DACH2: variants seen among roughly 807,000 people sequenced by gnomAD.
DACH2 encodes dachshund family transcription factor 2.
In DACH2, 17 loss-of-function variants were observed where a neutral mutation model predicts 35.8. The observed-to-expected ratio is 0.48, with a 90% confidence interval of 0.33 to 0.71. DACH2 has a LOEUF of 0.71. Ranked by LOEUF, DACH2 falls within the 30% of genes least tolerant of loss-of-function variation. The pLI is 0.02. For missense variants in DACH2, 469 were observed against 472.7 expected, an observed-to-expected ratio of 0.99 and a Z score of 0.07; for synonymous variants, 195 against 177.3, an observed-to-expected ratio of 1.10 and a Z score of -0.79.
intron 6 of DACH2, among the ~76,000 whole-genome samples, chrX:86,721,054 C>T (rs12689955): frequency 0.13 from 14,943 of 111,880 alleles, 791 homozygotes; most frequent in East Asian, 0.32. Flanking sequence ...GCACCAAGTC[C>T]CTAGGCTGCA....
At position 86,443,594 on chromosome X, in the gene DACH2, C is replaced by A. The variant is rs144477520; in HGVS notation, c.527+66732C>A. Among the ~76,000 whole-genome samples the A allele has an allele frequency of 1.4e-4, 15 of 108,488 alleles. 1 individual carries two copies. In the East Asian group the frequency reaches 3.8e-3, roughly 28 times the overall value. 94.2% of individuals were successfully genotyped at this position (108,488 alleles called of 115,157 possible). On this transcript the variant is annotated intron_variant, in intron 2 of 11. Coordinates refer to ENST00000373125, the MANE Select transcript of DACH2 (RefSeq NM_053281.3). ...ATGAAAGTGGGGATCCTTTCCAAGT[C>A]TTATAGGGAAAGCCTTCAACTTTTT...
intron 3 of DACH2, among the ~76,000 whole-genome samples, chrX:86,546,716 A>G (rs1486072421): frequency 5.6e-5 from 6 of 106,940 alleles, no homozygotes. Context: ...GGGTTTCACC[A>G]TGTTGGCCAG....
At chrX:86,588,280 T>C (rs2039601092) in intron 3 of DACH2, among the ~76,000 whole-genome samples, 1 of 111,255 alleles carries the variant, frequency 9.0e-6, no homozygotes, top group East Asian at 2.8e-4. Context: ...CCTTATAGTA[T>C]AGATTGAATC....
chrX:86,326,195 G>A (rs1278178490), intron 1 of DACH2, among the ~76,000 whole-genome samples: 5 of 110,529 alleles, frequency 4.5e-5, no homozygotes, highest in Non-Finnish European at 9.4e-5. Context: ...ATCTGTATCC[G>A]GCTGGGTGCG....
At chrX:86,517,061 A>G (rs1054170418) in intron 3 of DACH2, among the ~76,000 whole-genome samples, 5 of 111,530 alleles carry the variant, frequency 4.5e-5, no homozygotes, top group Non-Finnish European at 9.4e-5. Context: ...TATTTTCCTC[A>G]GGGTATATAT....
intron 7 of DACH2, among the ~76,000 whole-genome samples, chrX:86,792,989 C>G (rs749276686): frequency 3.6e-5 from 4 of 111,381 alleles, no homozygotes; most frequent in African/African-American, 6.5e-5. Context: ...ACATTCCTAC[C>G]AACTTTATAT....
intron 4 of DACH2, among the ~76,000 whole-genome samples, chrX:86,662,086 T>C (rs1434342277): frequency 8.9e-6 from 1 of 112,096 alleles, no homozygotes; most frequent in Admixed American, 9.5e-5. Context: ...ATAAACAATA[T>C]AGAGCAAGAA....
At chrX:86,742,646 T>C (rs745761658) in intron 7 of DACH2, 2 of 286,517 alleles carry the variant, frequency 7.0e-6, no homozygotes, top group South Asian at 6.9e-5. Flanking sequence ...TTTATAGTTA[T>C]GATGCCCAAC....
chrX:86,732,630 A>T (rs1346260708), intron 6 of DACH2, among the ~76,000 whole-genome samples: 1 of 112,014 alleles, frequency 8.9e-6, no homozygotes, highest in Admixed American at 9.5e-5. Flanking sequence ...AATGAAATGG[A>T]GATGCTAATT....
At chrX:86,346,703 C>T (rs2035503357) in intron 1 of DACH2, among the ~76,000 whole-genome samples, 1 of 111,471 alleles carries the variant, frequency 9.0e-6, no homozygotes, top group South Asian at 3.7e-4. Flanking sequence ...ACATATTGTT[C>T]TGTTAAAGAT....
At chrX:86,398,393 G>A (rs1357185124) in intron 2 of DACH2, among the ~76,000 whole-genome samples, 3 of 112,076 alleles carry the variant, frequency 2.7e-5, no homozygotes, top group African/African-American at 9.7e-5. Context: ...ATTTCCTTCA[G>A]TTCTGCTCTG....
intron 1 of DACH2, among the ~76,000 whole-genome samples, chrX:86,164,282 G>T (rs1387556524): frequency 3.6e-5 from 4 of 110,884 alleles, no homozygotes; most frequent in South Asian, 7.6e-4. Flanking sequence ...TAATGGAGTG[G>T]TTTGTTTTTT....
intron 1 of DACH2, among the ~76,000 whole-genome samples, chrX:86,220,771 T>A (rs1432824411): frequency 8.9e-6 from 1 of 112,192 alleles, no homozygotes. Flanking sequence ...AGTACTATTT[T>A]TAATTTTTTG....
At chrX:86,174,003 C>A (rs959832696) in intron 1 of DACH2, among the ~76,000 whole-genome samples, 1 of 110,536 alleles carries the variant, frequency 9.0e-6, no homozygotes, top group Non-Finnish European at 1.9e-5. Context: ...AGAAAAGAGT[C>A]ACGAACAACT....
intron 2 of DACH2, among the ~76,000 whole-genome samples, chrX:86,446,012 T>C (rs1472860343): frequency 9.0e-6 from 1 of 111,502 alleles, no homozygotes; most frequent in African/African-American, 3.3e-5. Context: ...TTAATATTTG[T>C]TTTATATATT....
At chrX:86,237,745 G>A (rs976776797) in intron 1 of DACH2, among the ~76,000 whole-genome samples, 7 of 111,857 alleles carry the variant, frequency 6.3e-5, no homozygotes, top group South Asian at 3.8e-4. Flanking sequence ...TGATGGCTGC[G>A]GTGGGGTGGG....
chrX:86,592,255 A>G (rs1245504468), intron 3 of DACH2, among the ~76,000 whole-genome samples: 1 of 111,761 alleles, frequency 8.9e-6, no homozygotes, highest in Non-Finnish European at 1.9e-5. Flanking sequence ...GTGGATATCC[A>G]GTATCATTTG....
chrX:86,396,828 C>T (rs1326272559), intron 2 of DACH2, among the ~76,000 whole-genome samples: 1 of 110,638 alleles, frequency 9.0e-6, no homozygotes, highest in Non-Finnish European at 1.9e-5. Context: ...AGTGTGATGC[C>T]TCCAGCTTTG....
intron 1 of DACH2, among the ~76,000 whole-genome samples, chrX:86,292,875 T>C (rs1421900917): frequency 3.7e-5 from 4 of 107,356 alleles, no homozygotes; most frequent in Non-Finnish European, 7.7e-5. Flanking sequence ...ATAGGTGTGG[T>C]GTGGTGCTGA....
Sources: gnomAD v4.1 joint callset for allele counts (sites outside exome capture counted in the v4.1 genomes callset) on GRCh38, gnomAD v4.1.1 for gene constraint, MANE v1.5 for transcripts, NCBI Gene and HGNC (gene_info 2026-07-23, HGNC 2026-07-21) for gene names.